The following PLOD3 variants were observed in gnomAD, a reference collection of about 807,000 sequenced individuals.
The protein encoded by PLOD3 is multifunctional procollagen lysine hydroxylase and glycosyltransferase LH3.
A neutral mutation model predicts 96.9 loss-of-function variants in PLOD3; 73 were observed. The ratio of observed to expected loss-of-function variants is 0.75; its 90% CI spans 0.62 to 0.92. PLOD3 has a LOEUF of 0.92. Ranked by LOEUF, PLOD3 falls within the 40% of genes least tolerant of loss-of-function variation. The pLI, the probability that PLOD3 is intolerant of heterozygous loss-of-function variation, is 0.00. For synonymous variants in PLOD3, 454 were observed against 413.7 expected, an observed-to-expected ratio of 1.10 and a Z score of -1.18; for missense variants, 1,004 against 1,004.3, an observed-to-expected ratio of 1.00 and a Z score of 0.00.
chr7:101,212,644 C>G lies in PLOD3; in HGVS notation c.891G>C (p.Arg297=), dbSNP rs1475906246. The change falls in exon 9 of 19, where the codon CGG becomes CGC. Residue 297 remains arginine, a synonymous_variant. Coordinates refer to ENST00000223127, the MANE Select transcript of PLOD3 (RefSeq NM_001084.5). ...RTLPGGQPPP[R]VFLAVFVEQP... Reference sequence around the variant, plus strand: ...GTTCCACAAACACGGCCAGAAACACCCGGGGGGGAGGCTGGAAGATGCAAC... The same window carrying G: ...GTTCCACAAACACGGCCAGAAACACGCGGGGGGGAGGCTGGAAGATGCAAC... 3.1e-6 allele frequency: 5 copies of G among 1,613,768 alleles called. No individual in the cohort carries two copies. Among genetic ancestry groups the G allele is most frequent in the African/African-American group, 1.3e-5 (1 of 74,964 alleles).
intron 6 of PLOD3, among the ~76,000 whole-genome samples, chr7:101,214,453 A>G (rs751249011): frequency 3.3e-5 from 5 of 151,892 alleles, no homozygotes; most frequent in Non-Finnish European, 5.9e-5. Context: ...CGTTCTCCCC[A>G]TCCCCTGAGG....
At position 101,207,703 on chromosome 7, in the gene PLOD3, A is replaced by T; in HGVS notation, c.1810T>A (p.Tyr604Asn). 1 of 1,613,736 alleles carries T rather than the reference A, an allele frequency of 6.2e-7. No individual in the cohort carries two copies. The highest frequency in any genetic ancestry group is 8.5e-7 in the Non-Finnish European group (1 of 1,179,880). The stretch of plus-strand genomic sequence containing the variant: ...ATGTCCACGGTGGGCACATTCTCGT[A>T]GCCTCCAGCCAGCCTTGAATCCTGG... ...RHEDSRLAGG[Y>N]ENVPTVDIHM... is the part of the protein sequence containing the mutation. Residue 604 changes from tyrosine (Y) to asparagine (N), a missense_variant, in exon 17 of 19, where the codon TAC becomes AAC. Tyr to Asn is a moderately radical substitution (Grantham distance 143). Around this residue, in one of 5 missense-constraint regions of PLOD3, gnomAD observed 222 missense variants for 220.4 expected, o/e 1.01. Coordinates refer to ENST00000223127, the MANE Select transcript of PLOD3 (RefSeq NM_001084.5).
chr7:101,217,496 C>T lies in PLOD3; in HGVS notation c.-222G>A. ...CAGACAAGGCGAGGATTGTCCCGGG[C>T]GCACGGGAGGCGGGGGAGGGGCGGC... is the stretch of plus-strand genomic sequence containing the variant. On this transcript the variant is annotated 5_prime_UTR_variant, in exon 1 of 19. Coordinates refer to ENST00000223127, the MANE Select transcript of PLOD3 (RefSeq NM_001084.5). 2.0e-6 allele frequency: 1 copy of T among 490,812 alleles called. No individual in the cohort carries two copies. Among genetic ancestry groups the T allele is most frequent in the Non-Finnish European group, 3.5e-6 (1 of 285,698 alleles). 30.4% of individuals were successfully genotyped at this position (490,812 alleles called of 1,614,324 possible). A position where few individuals can be genotyped will look rare whatever the true frequency, so the allele number is the denominator to read the frequency against.
In PLOD3 at chr7:101,211,927, T is replaced by TCGGGGTCCTGCCGACA. The variant is rs781221328; in HGVS notation, c.1135_1150dup (p.Glu384ValfsTer8). The stretch of plus-strand genomic sequence containing the variant: ...GTCCAGGCTGAAGTAGAACTCACAC[T>TCGGGGTCCTGCCGACA]CGGGGTCCTGCCGACACAGGTCCCT... On this transcript the variant is annotated frameshift_variant, in exon 11 of 19. Transcript: ENST00000223127. LOFTEE classifies it high-confidence loss of function. 6.2e-7 allele frequency: 1 copy of TCGGGGTCCTGCCGACA among 1,607,926 alleles called. No individual in the cohort carries two copies. Among genetic ancestry groups the TCGGGGTCCTGCCGACA allele is most frequent in the Non-Finnish European group, 8.5e-7 (1 of 1,177,630 alleles).
At chr7:101,216,630 G>A in intron 2 of PLOD3, 65 bp downstream of exon 2, 1 of 1,606,502 alleles carries the variant, frequency 6.2e-7, no homozygotes, top group Admixed American at 1.7e-5. Flanking sequence ...GGGGACCTGG[G>A]CATCCAGACT....
intron 18 of PLOD3, 121 bp from the exon 19 acceptor site, chr7:101,206,557 G>C: frequency 9.5e-7 from 1 of 1,054,006 alleles, no homozygotes. Context: ...GGTGACAAGG[G>C]AGATGGCAGA....
At chr7:101,211,253 C>A in intron 12 of PLOD3, 1 of 269,302 alleles carries the variant, frequency 3.7e-6, no homozygotes. Flanking sequence ...AAACATGGCT[C>A]ACTGCAGCCT....
chr7:101,217,100 G>A (rs956450958), intron 1 of PLOD3, 66 bp downstream of exon 1: 4 of 1,427,224 alleles, frequency 2.8e-6, no homozygotes, highest in African/African-American at 1.4e-5. Context: ...GACCCTCTCC[G>A]GGCCAGGCTG....
rs750040825 is a variant in PLOD3 at position 101,206,870 on chromosome 7, C to A, written c.1970G>T (p.Arg657Leu). Residue 657 changes from arginine (R) to leucine (L), a missense_variant, in exon 18 of 19, where the codon CGG becomes CTG. Physicochemically the swap from Arg to Leu is moderately radical, Grantham distance 102. Coordinates refer to ENST00000223127, the MANE Select transcript of PLOD3 (RefSeq NM_001084.5). Reference sequence around the variant, plus strand: ...CCGCAGAGACGGCTGCTCGTCTGGCCGGTAGCGAACCACAAAGTTCATCAC... The same window carrying A: ...CCGCAGAGACGGCTGCTCGTCTGGCAGGTAGCGAACCACAAAGTTCATCAC... Reference protein sequence around the residue: ...RAVMNFVVRYRPDEQPSLRPH... With the variant: ...RAVMNFVVRYLPDEQPSLRPH... The A allele has an allele frequency of 6.4e-7, 1 of 1,560,172 alleles. No homozygotes were observed.
At position 101,215,762 on chromosome 7, in the gene PLOD3, A is replaced by T. The variant is rs147550336; in HGVS notation, c.615+146T>A. On this transcript the variant is annotated intron_variant, in intron 5 of 18. Transcript: ENST00000223127. ...AGCAATCCTCCTGCCTAAGCCTCCC[A>T]AAAGTCTTGGATGACAGGCGTGAGC... The T allele has an allele frequency of 2.9e-4, 199 of 693,380 alleles. No individual in the cohort carries two copies. The African/African-American group carries it at 2.9e-3, about 10-fold the overall frequency. 43.0% of individuals were successfully genotyped at this position (693,380 alleles called of 1,614,324 possible).
chr7:101,212,974 G>C (rs770204193), intron 7 of PLOD3, 31 bp from the exon 8 acceptor site: 29 of 1,528,386 alleles, frequency 1.9e-5, no homozygotes, highest in Non-Finnish European at 1.3e-5. Context: ...CTGAGTGGCT[G>C]AGGCCTCCAG....
rs1388266719 is a variant in PLOD3, at chr7:101,206,123, C to CA, written c.*157_*158insT. The CA allele has an allele frequency of 1.2e-6, 1 of 834,562 alleles. No individual in the cohort carries two copies. Among genetic ancestry groups the CA allele is most frequent in the Admixed American group, 1.8e-5 (1 of 55,710 alleles). The allele number at this position is 834,562 out of a possible 1,614,324, so 51.7% of individuals were successfully genotyped here. The stretch of plus-strand genomic sequence containing the variant: ...GACTCCGGGAGCTTCCTGAGAGGGC[C>CA]GTGTCTTGGGAGCAAGGTGACATAT... On this transcript the variant is annotated 3_prime_UTR_variant, in exon 19 of 19. Coordinates refer to ENST00000223127, the MANE Select transcript of PLOD3 (RefSeq NM_001084.5).
In PLOD3 at chr7:101,210,198, C is replaced by G. The variant is rs774440403; in HGVS notation, c.1615-37G>C. 5 of 1,539,544 alleles carry G rather than the reference C, an allele frequency of 3.2e-6. No homozygotes were observed. The African/African-American group carries it at 6.8e-5, about 21-fold the overall frequency. ...TGGGGGGCACATCAGATCTGTGCCCCCCTCGCTCCCAGCCCCCAGGGGACC... is the reference window on the plus strand; with the variant it reads ...TGGGGGGCACATCAGATCTGTGCCCGCCTCGCTCCCAGCCCCCAGGGGACC... On this transcript the variant is annotated intron_variant, in intron 14 of 18. Coordinates refer to ENST00000223127, the MANE Select transcript of PLOD3 (RefSeq NM_001084.5).
In PLOD3 at chr7:101,216,031, G is replaced by C. The variant is rs769006032; in HGVS notation, c.503-11C>G. ...CAAAACCGATGAATCCTGGCGGGGA[G>C]GGGGAGTGTTGACCTCGAGACTCCC... On this transcript the variant is annotated splice_polypyrimidine_tract_variant and intron_variant, in intron 4 of 18. Coordinates refer to ENST00000223127, the MANE Select transcript of PLOD3 (RefSeq NM_001084.5). The C allele has an allele frequency of 1.2e-6, 2 of 1,611,912 alleles. No homozygotes were observed. The highest frequency in any genetic ancestry group is 1.7e-6 in the Non-Finnish European group (2 of 1,178,016).
At chr7:101,214,483 C>T (rs1377388065) in intron 6 of PLOD3, among the ~76,000 whole-genome samples, 3 of 152,308 alleles carry the variant, frequency 2.0e-5, no homozygotes, top group Admixed American at 1.3e-4. Flanking sequence ...AACCCCTCCA[C>T]AAGCTGTTTT....
At chr7:101,215,374 G>A (rs1421228454) in intron 5 of PLOD3, among the ~76,000 whole-genome samples, 1 of 152,198 alleles carries the variant, frequency 6.6e-6, no homozygotes, top group Non-Finnish European at 1.5e-5. Flanking sequence ...CACCACGCCT[G>A]GCTAATTTTT....
intron 18 of PLOD3, 62 bp downstream of exon 18, chr7:101,206,717 T>C (rs1798090192): frequency 1.3e-6 from 2 of 1,540,226 alleles, no homozygotes; most frequent in Admixed American, 3.9e-5. Context: ...ACGCAGGGGC[T>C]CTAGGTGGGG....
At chr7:101,207,024 G>T in intron 17 of PLOD3, 120 bp from the exon 18 acceptor site, 1 of 1,224,092 alleles carries the variant, frequency 8.2e-7, no homozygotes, top group Non-Finnish European at 1.1e-6. Context: ...GAGTGCAGTG[G>T]TGCGATCTTG....
At position 101,212,538 on chromosome 7, in the gene PLOD3, G is replaced by A; in HGVS notation, c.997C>T (p.His333Tyr). ...YPPDRVTLFL[H>Y]NNEVFHEPHI... ...CAACAGGGGAGTCTCACGTTGTTGT[G>A]CAGGAAAAGGGTGACCCTGTCGGGG... Residue 333 changes from histidine to tyrosine, a missense_variant, in exon 9 of 19, where the codon CAC becomes TAC. Physicochemically the swap from His to Tyr is moderately conservative, Grantham distance 83. Coordinates refer to ENST00000223127, the MANE Select transcript of PLOD3 (RefSeq NM_001084.5). The A allele has an allele frequency of 1.2e-6, 2 of 1,613,832 alleles. No homozygotes were observed. The highest frequency in any genetic ancestry group is 1.7e-6 in the Non-Finnish European group (2 of 1,179,884).
Sources: allele counts gnomAD v4.1 joint callset (sites outside exome capture counted in the v4.1 genomes callset), GRCh38; gene constraint gnomAD v4.1.1; regional missense constraint gnomAD v4.1.1; transcripts MANE v1.5; gene names NCBI Gene and HGNC (gene_info 2026-07-23, HGNC 2026-07-21).